Variants in RBM20 observed in about 807,000 individuals in gnomAD.
RBM20 encodes RNA-binding protein 20.
A neutral mutation model predicts 110.1 loss-of-function variants in RBM20; 51 were observed. That is an observed-to-expected ratio of 0.46 (90% CI 0.37 to 0.59). The LOEUF is 0.59. Among genes scored for constraint, RBM20 ranks in the 20% least tolerant of loss-of-function variants. The probability of loss-of-function intolerance (pLI) is 0.00; values close to 1 mark genes in which losing one functional copy is unlikely to be tolerated. For synonymous variants in RBM20, 589 were observed against 618.2 expected (o/e 0.95, Z 0.70); for missense variants, 1,512 against 1,574.9 (o/e 0.96, Z 0.68).
intron 1 of RBM20, among the ~76,000 whole-genome samples, chr10:110,707,388 A>T (rs565699360): frequency 4.6e-5 from 7 of 152,348 alleles, no homozygotes; most frequent in African/African-American, 1.7e-4. Context: ...AAAATACATC[A>T]AAAAGCATAT....
At chr10:110,684,714 C>T (rs1011108934) in intron 1 of RBM20, among the ~76,000 whole-genome samples, 2 of 152,134 alleles carry the variant, frequency 1.3e-5, no homozygotes, top group African/African-American at 4.8e-5. Context: ...GTTCATCTTG[C>T]TCCATTGCAG....
Position 110,780,743 on chromosome 10 carries a change from G to A in RBM20, c.192-58G>A, listed in dbSNP as rs554738351. 160 of 1,458,252 alleles carry A rather than the reference G, an allele frequency of 1.1e-4. No individual in the cohort carries two copies. In the African/African-American group the frequency reaches 2.0e-3, roughly 18 times the overall value. The allele number at this position is 1,458,252 out of a possible 1,614,324, so 90.3% of individuals were successfully genotyped here. On this transcript the variant is annotated intron_variant, in intron 1 of 13. Coordinates refer to ENST00000369519, the MANE Select transcript of RBM20 (RefSeq NM_001134363.3). Reference sequence around the variant, plus strand: ...GGGGGACCACAGATAACAAAGAACAGCCCCTTGCCCCCCTCATTGAAAACC... The same window carrying A: ...GGGGGACCACAGATAACAAAGAACAACCCCTTGCCCCCCTCATTGAAAACC...
intron 1 of RBM20, among the ~76,000 whole-genome samples, chr10:110,651,213 C>A (rs912000184): frequency 6.6e-6 from 1 of 152,170 alleles, no homozygotes; most frequent in Admixed American, 6.5e-5. Flanking sequence ...TCACCTGATA[C>A]GGAATATGTC....
chr10:110,732,296 G>A lies in RBM20; in HGVS notation c.192-48505G>A, dbSNP rs140689315. On this transcript the variant is annotated intron_variant, in intron 1 of 13. Transcript: ENST00000369519. ...GGTATTGATTTTCTTTCTCTGACGC[G>A]CTGTCAGTCATGGTTATTTCTCAGT... 5.3e-5 allele frequency among the ~76,000 whole-genome samples: 8 copies of A among 152,032 alleles called. No individual in the cohort carries two copies. In the East Asian group the frequency reaches 7.7e-4, roughly 15 times the overall value.
At chr10:110,667,088 A>T (rs1463237876) in intron 1 of RBM20, among the ~76,000 whole-genome samples, 1 of 152,176 alleles carries the variant, frequency 6.6e-6, no homozygotes, top group African/African-American at 2.4e-5. Flanking sequence ...GTTCTGTGCC[A>T]CAGTTGTTTC....
intron 1 of RBM20, among the ~76,000 whole-genome samples, chr10:110,759,386 G>A (rs976256698): frequency 3.3e-5 from 5 of 152,114 alleles, no homozygotes; most frequent in African/African-American, 7.2e-5. Context: ...AAGAGAAATC[G>A]CTGTTTAGAG....
intron 1 of RBM20, among the ~76,000 whole-genome samples, chr10:110,760,149 T>A (rs1843976605): frequency 6.6e-6 from 1 of 152,190 alleles, no homozygotes; most frequent in Non-Finnish European, 1.5e-5. Flanking sequence ...GCTGGCGTGT[T>A]CCATCCCCTT....
At chr10:110,706,128 A>G (rs1195680019) in intron 1 of RBM20, among the ~76,000 whole-genome samples, 1 of 152,142 alleles carries the variant, frequency 6.6e-6, no homozygotes, top group Admixed American at 6.6e-5. Flanking sequence ...GATGACTTTT[A>G]GTAGTTTTAT....
intron 1 of RBM20, among the ~76,000 whole-genome samples, chr10:110,663,742 G>C (rs1364547648): frequency 2.0e-5 from 3 of 152,158 alleles, no homozygotes; most frequent in Non-Finnish European, 2.9e-5. Context: ...AATTATTTCA[G>C]ATAACTTGAA....
chr10:110,737,177 C>CAAAAAAAAAAAAAAAAAAAAAA (rs550138775), intron 1 of RBM20, among the ~76,000 whole-genome samples: 290 of 26,562 alleles, frequency 0.011, 49 homozygotes, highest in Non-Finnish European at 0.016. Flanking sequence ...AACTCTGCCT[C>CAAAAAAAAAAAAAAAAAAAAAA]AAAAAAAAAA....
chr10:110,691,984 A>G (rs950843982), intron 1 of RBM20, among the ~76,000 whole-genome samples: 1 of 152,174 alleles, frequency 6.6e-6, no homozygotes, highest in Non-Finnish European at 1.5e-5. Flanking sequence ...ATTATTTTGC[A>G]TGTGGATACC....
At chr10:110,814,985 T>A (rs1187067493) in intron 9 of RBM20, among the ~76,000 whole-genome samples, 1 of 152,192 alleles carries the variant, frequency 6.6e-6, no homozygotes, top group Non-Finnish European at 1.5e-5. Flanking sequence ...CATTAATTAA[T>A]GACGGCATCA....
chr10:110,760,425 CTTTTTT>C (rs541027608), intron 1 of RBM20, among the ~76,000 whole-genome samples: 1,115 of 57,874 alleles, frequency 0.019, 17 homozygotes, highest in African/African-American at 0.067. Context: ...ATTCCATCAT[CTTTTTT>C]TTTTTTTTTT....
At chr10:110,784,045 CA>C (rs1429922687) in intron 3 of RBM20, among the ~76,000 whole-genome samples, 1 of 152,196 alleles carries the variant, frequency 6.6e-6, no homozygotes, top group African/African-American at 2.4e-5. Context: ...ATAACATTTT[CA>C]AGGTACATCC....
chr10:110,686,016 T>A (rs1862499667), intron 1 of RBM20, among the ~76,000 whole-genome samples: 1 of 152,188 alleles, frequency 6.6e-6, no homozygotes, highest in African/African-American at 2.4e-5. Flanking sequence ...AAATGCTATA[T>A]GTATTCCCAG....
At chr10:110,692,934 T>G (rs541374717) in intron 1 of RBM20, among the ~76,000 whole-genome samples, 1 of 152,278 alleles carries the variant, frequency 6.6e-6, no homozygotes, top group African/African-American at 2.4e-5. Flanking sequence ...AGGAAGTTTT[T>G]TCTTCCATTC....
chr10:110,667,691 C>T (rs7082195), intron 1 of RBM20, among the ~76,000 whole-genome samples: 22,206 of 152,106 alleles, frequency 0.15, 1,637 homozygotes, highest in Non-Finnish European at 0.16. Context: ...CTGGCAGTGT[C>T]GATCTTTTCA....
In RBM20 at chr10:110,727,414, A is replaced by AT. The variant is rs1554893397; in HGVS notation, c.192-53387_192-53386insT. ...AAGTCCGTCTCAAAAAATAAAAATA[A>AT]AAAAAAAATAAATAAAAAGTCCATC... On this transcript the variant is annotated intron_variant, in intron 1 of 13. Coordinates refer to ENST00000369519, the MANE Select transcript of RBM20 (RefSeq NM_001134363.3). Among the ~76,000 whole-genome samples the AT allele has an allele frequency of 1.7e-3, 229 of 135,558 alleles. 5 individuals carry two copies. In the East Asian group the frequency reaches 0.028, roughly 17 times the overall value. The allele number at this position is 135,558 out of a possible 152,430, so 88.9% of individuals were successfully genotyped here.
At chr10:110,673,424 C>A (rs1862289427) in intron 1 of RBM20, among the ~76,000 whole-genome samples, 1 of 152,148 alleles carries the variant, frequency 6.6e-6, no homozygotes, top group Admixed American at 6.5e-5. Context: ...GTTGGCCAGG[C>A]TGGTCTCAAA....
Sources: gnomAD v4.1 joint callset for allele counts (sites outside exome capture counted in the v4.1 genomes callset) on GRCh38, gnomAD v4.1.1 for gene constraint, MANE v1.5 for transcripts, NCBI Gene and HGNC (gene_info 2026-07-23, HGNC 2026-07-21) for gene names.